CBL: variants seen among roughly 807,000 people sequenced by gnomAD.
CBL encodes E3 ubiquitin-protein ligase CBL.
CBL carries 45 observed loss-of-function variants against 96.9 expected under a neutral mutation model. The ratio of observed to expected loss-of-function variants is 0.46; its 90% CI spans 0.37 to 0.60. CBL has a LOEUF of 0.60. Ranked by LOEUF, CBL falls within the 20% of genes least tolerant of loss-of-function variation. The pLI is 0.00. For synonymous variants in CBL, 420 were observed against 426.8 expected (o/e 0.98, Z 0.20); for missense variants, 1,024 against 1,143.5 (o/e 0.90, Z 1.51).
chr11:119,208,123 A>G (rs559681935), intron 1 of CBL, among the ~76,000 whole-genome samples: 2 of 152,204 alleles, frequency 1.3e-5, no homozygotes, highest in Non-Finnish European at 2.9e-5. Context: ...TAAAATCCTT[A>G]CAGAAAGTTT....
rs1320185226 is a variant in CBL, at chr11:119,290,479, A to C, written c.2036+2533A>C. On this transcript the variant is annotated intron_variant, in intron 12 of 15. Transcript: ENST00000264033. The stretch of plus-strand genomic sequence containing the variant: ...ATCCTGGCTAATGCGGTGAAACCCC[A>C]TCTCTACTAAAAATACAAAAAAATT... Among the ~76,000 whole-genome samples the C allele has an allele frequency of 3.3e-5, 5 of 150,760 alleles. No homozygotes were observed. In the East Asian group the frequency reaches 1.1e-3, roughly 32 times the overall value.
rs959122918 is a variant in CBL at position 119,305,767 on chromosome 11, TA to T, written c.*5990del. 2.6e-4 allele frequency: 59 copies of T among 227,706 alleles called. 1 individual carries two copies. The highest frequency in any genetic ancestry group is 1.1e-3 in the African/African-American group (50 of 45,062). The allele number at this position is 227,706 out of a possible 1,614,324, so 14.1% of individuals were successfully genotyped here. A position where few individuals can be genotyped will look rare whatever the true frequency, so the allele number is the denominator to read the frequency against. ...AAAGCTTTCCTTTTCTGTTTTTTTT[TA>T]AAACTATGCTTTTGCTTGCCTAAAT... On this transcript the variant is annotated 3_prime_UTR_variant, in exon 16 of 16. Transcript: ENST00000264033.
At position 119,219,936 on chromosome 11, in the gene CBL, G is replaced by A. The variant is rs933293646; in HGVS notation, c.196-12512G>A. Among the ~76,000 whole-genome samples the A allele has an allele frequency of 1.7e-4, 25 of 148,320 alleles. 1 individual carries two copies. In the East Asian group the frequency reaches 3.0e-3, roughly 18 times the overall value. ...GTGATCTCGGCTCACTGCAACCTCC[G>A]CCTCCCGGGTTCAAGCCATTCTCCT... On this transcript the variant is annotated intron_variant, in intron 1 of 15. Coordinates refer to ENST00000264033, the MANE Select transcript of CBL (RefSeq NM_005188.4).
At chr11:119,259,249 C>A (rs1045179325) in intron 2 of CBL, among the ~76,000 whole-genome samples, 1 of 152,064 alleles carries the variant, frequency 6.6e-6, no homozygotes, top group Non-Finnish European at 1.5e-5. Context: ...AGCTTGACTT[C>A]CTCTTCCAAT....
At chr11:119,214,893 ATT>A (rs774184469) in intron 1 of CBL, among the ~76,000 whole-genome samples, 28 of 117,936 alleles carry the variant, frequency 2.4e-4, no homozygotes, top group Middle Eastern at 4.6e-3. Context: ...CTGGTAGGGA[ATT>A]TTTTTTTTTT....
chr11:119,206,884 G>A (rs572585375), intron 1 of CBL, among the ~76,000 whole-genome samples: 1 of 152,212 alleles, frequency 6.6e-6, no homozygotes, highest in East Asian at 1.9e-4. Flanking sequence ...GGGCTGGGGC[G>A]AAGGTTAACT....
intron 3 of CBL, among the ~76,000 whole-genome samples, chr11:119,273,598 T>A (rs1435096905): frequency 3.3e-5 from 5 of 152,160 alleles, no homozygotes; most frequent in Non-Finnish European, 7.4e-5. Context: ...TTTGTTTTTG[T>A]AGAGACAAAG....
chr11:119,307,348 A>G lies in CBL; in HGVS notation c.*7567A>G, dbSNP rs1458846566. The G allele has an allele frequency of 8.6e-6, 2 of 232,556 alleles. No individual in the cohort carries two copies. The highest frequency in any genetic ancestry group is 1.7e-5 in the Non-Finnish European group (2 of 117,762). The allele number at this position is 232,556 out of a possible 1,614,324, so 14.4% of individuals were successfully genotyped here. A position where few individuals can be genotyped will look rare whatever the true frequency, so the allele number is the denominator to read the frequency against. ...TAATTACCTAGTTGTGTCGAGGAGT[A>G]TAGGATGGACTCTCCTGAGAAGGGG... On this transcript the variant is annotated 3_prime_UTR_variant, in exon 16 of 16. Transcript: ENST00000264033.
intron 1 of CBL, among the ~76,000 whole-genome samples, chr11:119,206,873 G>A (rs910268608): frequency 4.6e-5 from 7 of 152,140 alleles, no homozygotes; most frequent in Admixed American, 4.6e-4. Context: ...AGATGGAGTG[G>A]GGGCTGGGGC....
At chr11:119,244,581 A>ATTTTTTTTTTTTTTTTTTTTTTTTTTT (rs532837579) in intron 2 of CBL, among the ~76,000 whole-genome samples, 2 of 104,402 alleles carry the variant, frequency 1.9e-5, no homozygotes, top group East Asian at 3.4e-4. Flanking sequence ...TGCCCGGCTA[A>ATTTTTTTTTTTTTTTTTTTTTTTTTTT]TTTTTTTTTT....
chr11:119,278,332 T>C (rs1949905970), intron 8 of CBL, 35 bp downstream of exon 8: 1 of 1,612,722 alleles, frequency 6.2e-7, no homozygotes, highest in African/African-American at 1.3e-5. Context: ...TTCAGCTATG[T>C]AATAACCTTG....
rs2135324464 is a variant in CBL at position 119,302,845 on chromosome 11, G to A, written c.*3064G>A. The A allele has an allele frequency of 1.3e-5, 3 of 231,218 alleles. No homozygotes were observed. Among genetic ancestry groups the A allele is most frequent in the South Asian group, 1.8e-4 (1 of 5,496 alleles). 14.3% of individuals were successfully genotyped at this position (231,218 alleles called of 1,614,324 possible). A position where few individuals can be genotyped will look rare whatever the true frequency, so the allele number is the denominator to read the frequency against. ...TGTGAATAGTGCTCTCTACCTGTGG[G>A]TGGCCGTTCTCTTCCACTTGCTCGT... On this transcript the variant is annotated 3_prime_UTR_variant, in exon 16 of 16. Transcript: ENST00000264033.
chr11:119,229,731 G>GT (rs11297311), intron 1 of CBL, among the ~76,000 whole-genome samples: 212 of 147,344 alleles, frequency 1.4e-3, no homozygotes, highest in Middle Eastern at 3.5e-3. Flanking sequence ...GTTGTGTTTT[G>GT]TTTTTTTTTT....
intron 2 of CBL, among the ~76,000 whole-genome samples, chr11:119,238,687 C>T (rs1949563489): frequency 6.6e-6 from 1 of 152,010 alleles, no homozygotes; most frequent in Non-Finnish European, 1.5e-5. Context: ...AAAAATTAGC[C>T]AGGTGTGCTG....
chr11:119,254,835 C>T (rs1044525518), intron 2 of CBL, among the ~76,000 whole-genome samples: 3 of 152,154 alleles, frequency 2.0e-5, no homozygotes, highest in Non-Finnish European at 4.4e-5. Context: ...CTCCTGACCT[C>T]AGGTGATCCT....
At chr11:119,230,523 A>C (rs1246648871) in intron 1 of CBL, among the ~76,000 whole-genome samples, 2 of 152,202 alleles carry the variant, frequency 1.3e-5, no homozygotes, top group East Asian at 3.8e-4. Flanking sequence ...GTTGTTTTGA[A>C]CCAAATATAC....
intron 12 of CBL, among the ~76,000 whole-genome samples, chr11:119,288,920 G>A (rs1394397021): frequency 6.6e-6 from 1 of 152,084 alleles, no homozygotes; most frequent in African/African-American, 2.4e-5. Flanking sequence ...CACCCATTTT[G>A]ATATGTCATA....
intron 2 of CBL, among the ~76,000 whole-genome samples, chr11:119,233,313 C>T (rs1256589062): frequency 1.3e-5 from 2 of 151,912 alleles, no homozygotes; most frequent in Admixed American, 6.6e-5. Context: ...TGCAGTGGTG[C>T]GATCTCAGCC....
intron 3 of CBL, among the ~76,000 whole-genome samples, chr11:119,272,460 G>A (rs1949856652): frequency 6.6e-6 from 1 of 152,208 alleles, no homozygotes; most frequent in Non-Finnish European, 1.5e-5. Context: ...CACATTATTT[G>A]CTATCAGCAG....
Sources: gnomAD v4.1 joint callset for allele counts (sites outside exome capture counted in the v4.1 genomes callset) on GRCh38, gnomAD v4.1.1 for gene constraint, MANE v1.5 for transcripts, NCBI Gene and HGNC (gene_info 2026-07-23, HGNC 2026-07-21) for gene names.